The following WDR59 variants were observed in gnomAD, a reference collection of about 807,000 sequenced individuals.
WDR59 encodes the protein WD repeat domain 59.
Under a neutral mutation model 131.2 loss-of-function variants are expected in WDR59, and 100 were observed. The observed-to-expected ratio is 0.76, with a 90% CI of 0.65 to 0.90. The LOEUF is 0.90. Among genes scored for constraint, WDR59 ranks in the 40% least tolerant of loss-of-function variants. The probability of loss-of-function intolerance (pLI) is 0.00; values close to 1 mark genes in which losing one functional copy is unlikely to be tolerated. For synonymous variants in WDR59, 601 were observed against 466.2 expected, an observed-to-expected ratio of 1.29 and a Z score of -3.72; for missense variants, 1,203 against 1,262.2, an observed-to-expected ratio of 0.95 and a Z score of 0.71.
At chr16:74,972,914 A>C (rs1178426628) in intron 1 of WDR59, among the ~76,000 whole-genome samples, 1 of 151,056 alleles carries the variant, frequency 6.6e-6, no homozygotes, top group African/African-American at 2.4e-5. Flanking sequence ...CGACCATTTC[A>C]GAGGACAAGA....
At chr16:74,896,790 TTGAC>T (rs762732724) in intron 18 of WDR59, among the ~76,000 whole-genome samples, 14 of 152,212 alleles carry the variant, frequency 9.2e-5, no homozygotes, top group African/African-American at 3.4e-4. Flanking sequence ...ATACAAATGT[TTGAC>T]TGAGGACTTA....
At chr16:74,958,605 A>AAAAAAAAAAAAAAAAAC (rs2033412718) in intron 2 of WDR59, among the ~76,000 whole-genome samples, 3 of 141,940 alleles carry the variant, frequency 2.1e-5, no homozygotes, top group Non-Finnish European at 3.1e-5. Context: ...AAAAAAAAAA[A>AAAAAAAAAAAAAAAAAC]AAAAAAAAAA....
At chr16:74,969,679 C>A (rs1056891560) in intron 1 of WDR59, among the ~76,000 whole-genome samples, 1 of 151,886 alleles carries the variant, frequency 6.6e-6, no homozygotes, top group Non-Finnish European at 1.5e-5. Flanking sequence ...AAGTGATTCT[C>A]CTGCCTCAGC....
At chr16:74,946,961 G>A (rs2032683203) in intron 6 of WDR59, among the ~76,000 whole-genome samples, 1 of 152,178 alleles carries the variant, frequency 6.6e-6, no homozygotes, top group South Asian at 2.1e-4. Flanking sequence ...TATAAAGGAT[G>A]TCAAAATATT....
At position 74,911,851 on chromosome 16, in the gene WDR59, T is replaced by C. The variant is rs992559364; in HGVS notation, c.1389+347A>G. Among the ~76,000 whole-genome samples, 38 of 152,354 alleles carry C rather than the reference T, an allele frequency of 2.5e-4. 1 individual carries two copies. Among genetic ancestry groups the C allele is most frequent in the African/African-American group, 7.5e-4 (31 of 41,580 alleles). On this transcript the variant is annotated intron_variant, in intron 14 of 25. Coordinates refer to ENST00000262144, the MANE Select transcript of WDR59 (RefSeq NM_030581.4). ...TGCAAATCTCCTAACCGGAGATGAA[T>C]GCATAGTATTAATGAGATCTGTGGG...
intron 1 of WDR59, among the ~76,000 whole-genome samples, chr16:74,981,660 A>ATTTTTTTTTTTTTTTTTTTTTTTTT (rs1181233727): frequency 3.7e-5 from 3 of 80,864 alleles, no homozygotes; most frequent in African/African-American, 2.2e-4. Flanking sequence ...ATATATATAT[A>ATTTTTTTTTTTTTTTTTTTTTTTTT]TTTTTTTTTT....
Position 74,892,534 on chromosome 16 carries a change from G to C in WDR59, c.2032C>G (p.Gln678Glu). The C allele has an allele frequency of 6.2e-7, 1 of 1,613,820 alleles. No individual in the cohort carries two copies. The highest frequency in any genetic ancestry group is 8.5e-7 in the Non-Finnish European group (1 of 1,179,932). ...LNVNDIQETC[Q>E]KNAASALLVG... The stretch of plus-strand genomic sequence containing the variant: ...AGCAAGGCAGAGGCGGCATTCTTCT[G>C]ACATGTTTCCTGAATATCATTCACA... Residue 678 changes from glutamine (Q) to glutamate (E), a missense_variant, in exon 20 of 26, where the codon CAG becomes GAG. Physicochemically the swap from Gln to Glu is conservative, Grantham distance 29. Coordinates refer to ENST00000262144, the MANE Select transcript of WDR59 (RefSeq NM_030581.4).
In WDR59 at chr16:74,951,520, G is replaced by A. The variant is rs749582752; in HGVS notation, c.264C>T (p.Tyr88=). 1 of 1,600,446 alleles carries A rather than the reference G, an allele frequency of 6.2e-7. No individual in the cohort carries two copies. Among genetic ancestry groups the A allele is most frequent in the South Asian group, 1.1e-5 (1 of 87,892 alleles). The stretch of plus-strand genomic sequence containing the variant: ...CTTCCCCACTGCCGTCTTTCCACTT[G>A]TAAAGGTCTACTCGTTGGTTACTCT... ...AASSNQRVDL[Y]KWKDGSGEVG... Residue 88 remains tyrosine (Y), a synonymous_variant, in exon 4 of 26, where the codon TAC becomes TAT. Transcript: ENST00000262144.
At chr16:74,964,412 A>C (rs1355600533) in intron 2 of WDR59, among the ~76,000 whole-genome samples, 1 of 151,250 alleles carries the variant, frequency 6.6e-6, no homozygotes, top group Non-Finnish European at 1.5e-5. Flanking sequence ...CTGGAGGCAG[A>C]AAAGAGATAC....
At chr16:74,886,220 G>A in intron 24 of WDR59, 50 bp downstream of exon 24, 1 of 1,480,694 alleles carries the variant, frequency 6.8e-7, no homozygotes, top group African/African-American at 1.4e-5. Context: ...AGAAACTGGA[G>A]TCCTGCCTGG....
chr16:74,888,653 A>C lies in WDR59; in HGVS notation c.2196-334T>G, dbSNP rs979697466. Among the ~76,000 whole-genome samples the C allele has an allele frequency of 6.6e-5, 10 of 152,360 alleles. 1 individual carries two copies. ...GACTAACCTGACATCTGAGCGAGCC[A>C]ATACATGCTCTGTCTTCCCAGCTCC... is the stretch of plus-strand genomic sequence containing the variant. On this transcript the variant is annotated intron_variant, in intron 21 of 25. Coordinates refer to ENST00000262144, the MANE Select transcript of WDR59 (RefSeq NM_030581.4).
At chr16:74,879,726 T>C (rs1382015807) in intron 25 of WDR59, among the ~76,000 whole-genome samples, 1 of 152,032 alleles carries the variant, frequency 6.6e-6, no homozygotes, top group Non-Finnish European at 1.5e-5. Flanking sequence ...CCAAAAAAGA[T>C]CTTAATATAG....
At chr16:74,938,310 CTT>C (rs1257483892) in intron 7 of WDR59, 44 bp from the exon 8 acceptor site, 1 of 1,324,744 alleles carries the variant, frequency 7.5e-7, no homozygotes, top group Non-Finnish European at 1.0e-6. Context: ...AGAAAGAACT[CTT>C]TGAGTGTCTA....
chr16:74,905,969 C>T (rs1043673685), intron 17 of WDR59, among the ~76,000 whole-genome samples: 5 of 151,990 alleles, frequency 3.3e-5, no homozygotes, highest in Non-Finnish European at 5.9e-5. Flanking sequence ...TCAATATGCA[C>T]ACAGAAGCTG....
intron 1 of WDR59, among the ~76,000 whole-genome samples, chr16:74,973,568 G>A (rs62061402): frequency 0.26 from 39,984 of 151,836 alleles, 5,997 homozygotes; most frequent in East Asian, 0.43. Context: ...ATTACAAGGC[G>A]TGAGCCACCA....
intron 18 of WDR59, among the ~76,000 whole-genome samples, chr16:74,898,008 A>T (rs917649357): frequency 6.6e-6 from 1 of 152,202 alleles, no homozygotes; most frequent in Non-Finnish European, 1.5e-5. Flanking sequence ...CTAGCTAATG[A>T]GTAGATGGAC....
At chr16:74,888,912 A>T (rs1430548172) in intron 21 of WDR59, among the ~76,000 whole-genome samples, 1 of 152,234 alleles carries the variant, frequency 6.6e-6, no homozygotes, top group Non-Finnish European at 1.5e-5. Flanking sequence ...GAATGTGAGT[A>T]AGGAATCAGA....
chr16:74,893,957 A>G lies in WDR59; in HGVS notation c.1867-145T>C. 3.4e-6 allele frequency: 3 copies of G among 890,722 alleles called. No individual in the cohort carries two copies. The Admixed American group carries it at 7.5e-5, about 22-fold the overall frequency. The allele number at this position is 890,722 out of a possible 1,614,324, so 55.2% of individuals were successfully genotyped here. ...CACAATTATGGGAATCAGCATCTGT[A>G]GGAAATAAAAGGATGAGCTCTTGTT... On this transcript the variant is annotated intron_variant, in intron 18 of 25. Coordinates refer to ENST00000262144, the MANE Select transcript of WDR59 (RefSeq NM_030581.4).
chr16:74,919,744 A>G (rs1347094010), intron 10 of WDR59, among the ~76,000 whole-genome samples: 1 of 152,188 alleles, frequency 6.6e-6, no homozygotes, highest in Non-Finnish European at 1.5e-5. Flanking sequence ...GAAACCAAGG[A>G]CTACTGCTTC....
Sources: allele counts gnomAD v4.1 joint callset (sites outside exome capture counted in the v4.1 genomes callset), GRCh38; gene constraint gnomAD v4.1.1; transcripts MANE v1.5; gene names NCBI Gene and HGNC (gene_info 2026-07-23, HGNC 2026-07-21).